CREBBP: variants seen among roughly 807,000 people sequenced by gnomAD.
The protein encoded by CREBBP is CREB-binding protein.
A neutral mutation model predicts 265.0 loss-of-function variants in CREBBP; 19 were observed. The observed-to-expected ratio is 0.07, with a 90% CI of 0.05 to 0.11. The LOEUF (loss-of-function observed/expected upper bound fraction) is 0.11. CREBBP is among the 10% of genes least tolerant of loss of function. The pLI is 1.00. For missense variants in CREBBP, 2,525 were observed against 3,219.0 expected (o/e 0.78, Z 5.22); for synonymous variants, 1,457 against 1,223.7 (o/e 1.19, Z -3.98).
At chr16:3,751,071 A>G (rs939919915) in intron 20 of CREBBP, among the ~76,000 whole-genome samples, 4 of 152,160 alleles carry the variant, frequency 2.6e-5, no homozygotes, top group Admixed American at 1.3e-4. Flanking sequence ...AAAAAATTAA[A>G]ATAAAGAAAA....
chr16:3,765,095 T>G (rs1221859991), intron 16 of CREBBP, among the ~76,000 whole-genome samples: 1 of 152,086 alleles, frequency 6.6e-6, no homozygotes, highest in Non-Finnish European at 1.5e-5. Context: ...TGCCTCAGCC[T>G]CCCGAGCAGC....
intron 5 of CREBBP, among the ~76,000 whole-genome samples, chr16:3,783,627 G>T (rs901575359): frequency 6.6e-6 from 1 of 152,202 alleles, no homozygotes; most frequent in Non-Finnish European, 1.5e-5. Flanking sequence ...TGAAATTAAG[G>T]TTGGAGTGAG....
At chr16:3,775,095 G>A (rs1210485764) in intron 11 of CREBBP, among the ~76,000 whole-genome samples, 1 of 152,152 alleles carries the variant, frequency 6.6e-6, no homozygotes, top group Non-Finnish European at 1.5e-5. Context: ...CAGAAGAGAT[G>A]TTTCCAGAGA....
chr16:3,793,051 A>G (rs1373411323), intron 4 of CREBBP, among the ~76,000 whole-genome samples: 1 of 152,244 alleles, frequency 6.6e-6, no homozygotes. Context: ...GAAAACCACA[A>G]TCTAGACATT....
chr16:3,817,685 A>G (rs2054064740), intron 2 of CREBBP, among the ~76,000 whole-genome samples: 1 of 152,218 alleles, frequency 6.6e-6, no homozygotes, highest in Non-Finnish European at 1.5e-5. Context: ...TCCCCAGAAC[A>G]GGTTTCTACA....
intron 28 of CREBBP, among the ~76,000 whole-genome samples, chr16:3,733,488 G>T (rs1354993841): frequency 6.6e-6 from 1 of 152,058 alleles, no homozygotes; most frequent in African/African-American, 2.4e-5. Context: ...AAATTGGAAC[G>T]AAGTGTAGAC....
At chr16:3,853,882 A>T (rs1053295018) in intron 1 of CREBBP, among the ~76,000 whole-genome samples, 11 of 152,118 alleles carry the variant, frequency 7.2e-5, no homozygotes, top group African/African-American at 2.7e-4. Context: ...AGTTGCAGTG[A>T]ACTGAGATAT....
chr16:3,851,680 C>G (rs908613659), intron 1 of CREBBP, among the ~76,000 whole-genome samples: 1 of 151,514 alleles, frequency 6.6e-6, no homozygotes, highest in Non-Finnish European at 1.5e-5. Flanking sequence ...CGGTGAAACC[C>G]CGTCTCTAGT....
At chr16:3,787,705 G>T (rs1265904904) in intron 5 of CREBBP, among the ~76,000 whole-genome samples, 2 of 152,040 alleles carry the variant, frequency 1.3e-5, no homozygotes, top group Admixed American at 6.6e-5. Flanking sequence ...TGTCGCCCAG[G>T]CTGGAGTGCA....
At chr16:3,795,353 C>T (rs2141292001) in intron 3 of CREBBP, among the ~76,000 whole-genome samples, 1 of 152,296 alleles carries the variant, frequency 6.6e-6, no homozygotes, top group African/African-American at 2.4e-5. Flanking sequence ...ATCCAGGAGT[C>T]CACTACTAAA....
chr16:3,832,095 T>A (rs2054354720), intron 2 of CREBBP, among the ~76,000 whole-genome samples: 1 of 151,930 alleles, frequency 6.6e-6, no homozygotes, highest in Non-Finnish European at 1.5e-5. Flanking sequence ...GATATATTAC[T>A]CAAAAATACA....
At position 3,770,559 on chromosome 16, in the gene CREBBP, G is replaced by A. The variant is rs1196865869; in HGVS notation, c.2880+11C>T. 6.2e-7 allele frequency: 1 copy of A among 1,611,968 alleles called. No individual in the cohort carries two copies. Among genetic ancestry groups the A allele is most frequent in the African/African-American group, 1.3e-5 (1 of 74,870 alleles). On this transcript the variant is annotated intron_variant, in intron 14 of 30. Transcript: ENST00000262367. ...TCTTGGCCCAAAAACAGCAGAGACA[G>A]AGAGGCTTACCGGTGTGCCAGGAGG...
At chr16:3,737,650 G>C (rs1034698739) in intron 26 of CREBBP, among the ~76,000 whole-genome samples, 1 of 152,050 alleles carries the variant, frequency 6.6e-6, no homozygotes, top group Admixed American at 6.6e-5. Flanking sequence ...TTTTAGTACA[G>C]ACAGGGTTTC....
At chr16:3,804,530 G>C (rs2053790491) in intron 3 of CREBBP, among the ~76,000 whole-genome samples, 1 of 152,194 alleles carries the variant, frequency 6.6e-6, no homozygotes, top group Non-Finnish European at 1.5e-5. Context: ...CGCTCCAGAG[G>C]AAGTGAAGTA....
intron 19 of CREBBP, among the ~76,000 whole-genome samples, chr16:3,756,779 A>G (rs1230984794): frequency 3.9e-5 from 6 of 152,152 alleles, no homozygotes; most frequent in Admixed American, 2.0e-4. Context: ...AGTAAAATCC[A>G]CATTTTCTAC....
intron 16 of CREBBP, among the ~76,000 whole-genome samples, chr16:3,760,391 G>GTTTTTTTTTTT (rs35861892): frequency 2.6e-5 from 2 of 75,912 alleles, no homozygotes; most frequent in Admixed American, 1.9e-4. Flanking sequence ...TCATGCCCAG[G>GTTTTTTTTTTT]TTTTTTTTTT....
At chr16:3,859,950 G>A (rs996537342) in intron 1 of CREBBP, among the ~76,000 whole-genome samples, 1 of 152,190 alleles carries the variant, frequency 6.6e-6, no homozygotes, top group African/African-American at 2.4e-5. Context: ...CCAAGGAGGG[G>A]CTTGTGGGAA....
At chr16:3,851,072 C>T (rs1214006094) in intron 1 of CREBBP, 63 bp from the exon 2 acceptor site, 23 of 1,397,758 alleles carry the variant, frequency 1.6e-5, no homozygotes, top group South Asian at 3.5e-5. Flanking sequence ...CCAACTGCCA[C>T]GTTTCTATGA....
intron 2 of CREBBP, among the ~76,000 whole-genome samples, chr16:3,846,648 G>A (rs1452381195): frequency 6.6e-6 from 1 of 152,178 alleles, no homozygotes; most frequent in Admixed American, 6.6e-5. Flanking sequence ...ACAGCTACGC[G>A]GAGCATGGAA....
Sources: allele counts gnomAD v4.1 joint callset (sites outside exome capture counted in the v4.1 genomes callset), GRCh38; gene constraint gnomAD v4.1.1; transcripts MANE v1.5; gene names NCBI Gene and HGNC (gene_info 2026-07-23, HGNC 2026-07-21).